Variants in EYS observed in about 807,000 individuals in gnomAD.
EYS encodes the protein protein eyes shut homolog.
In EYS, 250 loss-of-function variants were observed where a neutral mutation model predicts 282.1. That is an observed-to-expected ratio of 0.89 (90% CI 0.80 to 0.98). EYS has a LOEUF of 0.98. Ranked by LOEUF, EYS falls within the 50% of genes least tolerant of loss-of-function variation. The pLI is 0.00. For synonymous variants in EYS, 1,355 were observed against 1,282.9 expected, an observed-to-expected ratio of 1.06 and a Z score of -1.20; for missense variants, 4,016 against 3,709.0, an observed-to-expected ratio of 1.08 and a Z score of -2.15.
chr6:65,571,900 A>G (rs962589064), intron 2 of EYS, among the ~76,000 whole-genome samples: 1 of 152,082 alleles, frequency 6.6e-6, no homozygotes, highest in African/African-American at 2.4e-5. Context: ...ATTTTAAGAA[A>G]TTTCAATCAA....
intron 26 of EYS, among the ~76,000 whole-genome samples, chr6:64,550,926 G>C (rs537256424): frequency 1.3e-5 from 2 of 152,162 alleles, no homozygotes; most frequent in Admixed American, 1.3e-4. Context: ...ATCTCTTCAA[G>C]GAGAAATCTT....
intron 26 of EYS, among the ~76,000 whole-genome samples, chr6:64,544,314 GGAAA>G (rs1764781909): frequency 6.6e-6 from 1 of 152,168 alleles, no homozygotes; most frequent in Admixed American, 6.5e-5. Flanking sequence ...GCACAATCAG[GGAAA>G]GAAAGTGTTG....
chr6:65,200,394 G>A (rs531977307), intron 12 of EYS, among the ~76,000 whole-genome samples: 1 of 151,640 alleles, frequency 6.6e-6, no homozygotes, highest in South Asian at 2.1e-4. Flanking sequence ...ATTCAAGAAA[G>A]TGGTAATTGC....
intron 22 of EYS, among the ~76,000 whole-genome samples, chr6:64,766,840 A>G (rs1280566922): frequency 6.6e-6 from 1 of 150,762 alleles, no homozygotes; most frequent in Admixed American, 6.6e-5. Context: ...TTTTGTGACA[A>G]TAATTTGTTA....
At chr6:64,695,459 G>A (rs1203883017) in intron 22 of EYS, among the ~76,000 whole-genome samples, 2 of 152,120 alleles carry the variant, frequency 1.3e-5, no homozygotes, top group Admixed American at 6.5e-5. Context: ...CCAGTACATT[G>A]CTATTACAAC....
intron 35 of EYS, among the ~76,000 whole-genome samples, chr6:63,922,790 A>C (rs1414761825): frequency 6.6e-6 from 1 of 152,116 alleles, no homozygotes; most frequent in African/African-American, 2.4e-5. Flanking sequence ...TCTAAAGGTA[A>C]TTTTCTATTA....
At chr6:64,728,501 A>AT (rs1202809701) in intron 22 of EYS, among the ~76,000 whole-genome samples, 18 of 151,868 alleles carry the variant, frequency 1.2e-4, no homozygotes, top group Middle Eastern at 3.4e-3. Context: ...TGCCTGACTA[A>AT]TTTTTTTGTA....
At chr6:64,049,653 G>A (rs145330181) in intron 33 of EYS, among the ~76,000 whole-genome samples, 1 of 152,256 alleles carries the variant, frequency 6.6e-6, no homozygotes, top group East Asian at 1.9e-4. Flanking sequence ...CCTGTATGTA[G>A]CTTGTATTAG....
intron 2 of EYS, among the ~76,000 whole-genome samples, chr6:65,558,912 G>T (rs1357496075): frequency 6.6e-6 from 1 of 152,078 alleles, no homozygotes; most frequent in Non-Finnish European, 1.5e-5. Flanking sequence ...TATAATGAGA[G>T]AGTTTGATGA....
intron 29 of EYS, among the ~76,000 whole-genome samples, chr6:64,310,636 A>G (rs1204322259): frequency 1.3e-5 from 2 of 152,220 alleles, no homozygotes; most frequent in Non-Finnish European, 2.9e-5. Flanking sequence ...ACTAATATGT[A>G]CTAGGCTTAA....
intron 14 of EYS, among the ~76,000 whole-genome samples, chr6:64,972,042 C>A (rs910459338): frequency 1.3e-5 from 2 of 152,020 alleles, no homozygotes; most frequent in Non-Finnish European, 2.9e-5. Context: ...GGGGGTAAAG[C>A]GTTTCTAGCA....
At chr6:64,988,862 A>C (rs919361937) in intron 14 of EYS, among the ~76,000 whole-genome samples, 6 of 151,558 alleles carry the variant, frequency 4.0e-5, no homozygotes, top group African/African-American at 1.5e-4. Flanking sequence ...TCAGTGAAGA[A>C]ATTATTTTTA....
chr6:63,761,399 T>C (rs1277310338), intron 41 of EYS, among the ~76,000 whole-genome samples: 2 of 152,200 alleles, frequency 1.3e-5, no homozygotes, highest in African/African-American at 4.8e-5. Context: ...ATTAAACATT[T>C]TTTCCCATAA....
intron 12 of EYS, among the ~76,000 whole-genome samples, chr6:65,204,813 ATATTTATATATTCTGGAAGAACG>A (rs1562021049): frequency 3.5e-4 from 48 of 135,652 alleles, no homozygotes; most frequent in Admixed American, 1.1e-3. Context: ...CTGGAAGAAC[ATATTTATATATTCTGGAAGAACG>A]TATTTATATA....
At chr6:64,631,976 A>G (rs1767798544) in intron 22 of EYS, among the ~76,000 whole-genome samples, 1 of 151,954 alleles carries the variant, frequency 6.6e-6, no homozygotes, top group Non-Finnish European at 1.5e-5. Flanking sequence ...TATTTATATT[A>G]CATTTATAAT....
chr6:64,802,985 C>A (rs2150009359), intron 22 of EYS, among the ~76,000 whole-genome samples: 1 of 152,298 alleles, frequency 6.6e-6, no homozygotes, highest in Non-Finnish European at 1.5e-5. Flanking sequence ...CAGGTGCTGG[C>A]TCCATGCAAG....
chr6:65,173,031 G>A (rs1467958694), intron 12 of EYS, among the ~76,000 whole-genome samples: 1 of 150,806 alleles, frequency 6.6e-6, no homozygotes, highest in Admixed American at 6.6e-5. Flanking sequence ...AATTTTAATT[G>A]AAATTCTCTA....
At chr6:64,242,435 A>C (rs1766864617) in intron 30 of EYS, among the ~76,000 whole-genome samples, 1 of 139,104 alleles carries the variant, frequency 7.2e-6, no homozygotes, top group Non-Finnish European at 1.6e-5. Context: ...CTCAAATTCT[A>C]AGTTTTTTTT....
At chr6:65,452,628 T>G (rs1038052803) in intron 5 of EYS, among the ~76,000 whole-genome samples, 2 of 152,072 alleles carry the variant, frequency 1.3e-5, no homozygotes, top group African/African-American at 4.8e-5. Context: ...TGCAGACTAC[T>G]GCTAAAGTCA....
Sources: allele counts gnomAD v4.1 joint callset (sites outside exome capture counted in the v4.1 genomes callset), GRCh38; gene constraint gnomAD v4.1.1; transcripts MANE v1.5; gene names NCBI Gene and HGNC (gene_info 2026-07-23, HGNC 2026-07-21).